The following GLDC variants were observed in gnomAD, a reference collection of about 807,000 sequenced individuals.
GLDC encodes glycine decarboxylase.
In GLDC, 104 loss-of-function variants were observed where a neutral mutation model predicts 121.3. The ratio of observed to expected loss-of-function variants is 0.86; its 90% CI spans 0.73 to 1.01. The LOEUF (loss-of-function observed/expected upper bound fraction) is 1.01, where lower values mean the gene tolerates loss of function less well. Among genes scored for constraint, GLDC ranks in the 50% least tolerant of loss-of-function variants. GLDC has a pLI of 0.00. For synonymous variants in GLDC, 546 were observed against 480.6 expected (o/e 1.14, Z -1.78); for missense variants, 1,429 against 1,306.6 (o/e 1.09, Z -1.44).
chr9:6,562,650 C>A (rs904115467), intron 16 of GLDC, among the ~76,000 whole-genome samples: 93 of 152,180 alleles, frequency 6.1e-4, no homozygotes, highest in African/African-American at 2.2e-3. Flanking sequence ...ACCTCTGCCT[C>A]CTGGATTCAA....
At chr9:6,551,823 A>G (rs1817521337) in intron 20 of GLDC, among the ~76,000 whole-genome samples, 1 of 152,142 alleles carries the variant, frequency 6.6e-6, no homozygotes, top group Non-Finnish European at 1.5e-5. Flanking sequence ...GGGCAAGGTG[A>G]GTTGTGACTC....
At chr9:6,591,716 C>T (rs1372427517) in intron 11 of GLDC, 1 of 214,204 alleles carries the variant, frequency 4.7e-6, no homozygotes, top group Non-Finnish European at 9.5e-6. Context: ...TCCTGAGTAA[C>T]TGGGATTACA....
chr9:6,590,734 C>T (rs1452061821), intron 11 of GLDC, among the ~76,000 whole-genome samples: 1 of 152,120 alleles, frequency 6.6e-6, no homozygotes, highest in African/African-American at 2.4e-5. Context: ...CCCTCTTGAC[C>T]CCTTAGTGAT....
At chr9:6,544,202 G>A (rs1017608337) in intron 21 of GLDC, among the ~76,000 whole-genome samples, 2 of 152,070 alleles carry the variant, frequency 1.3e-5, no homozygotes, top group African/African-American at 4.8e-5. Context: ...CAAACCTCCC[G>A]GCTGTTTCCC....
At chr9:6,568,684 C>T (rs1322323410) in intron 15 of GLDC, among the ~76,000 whole-genome samples, 1 of 151,600 alleles carries the variant, frequency 6.6e-6, no homozygotes, top group East Asian at 1.9e-4. Flanking sequence ...CCCATTTCTA[C>T]TAAACATACA....
At chr9:6,614,444 C>T (rs944455096) in intron 3 of GLDC, among the ~76,000 whole-genome samples, 3 of 151,950 alleles carry the variant, frequency 2.0e-5, no homozygotes, top group Non-Finnish European at 4.4e-5. Flanking sequence ...CCATGTTGGC[C>T]AGGCTGGTCT....
chr9:6,591,422 C>G (rs145691513), intron 11 of GLDC, among the ~76,000 whole-genome samples: 63 of 152,284 alleles, frequency 4.1e-4, no homozygotes, highest in African/African-American at 1.5e-3. Context: ...ACCAGGAGGA[C>G]AAGAAGCATG....
intron 2 of GLDC, among the ~76,000 whole-genome samples, chr9:6,636,439 G>C (rs1189692203): frequency 6.6e-6 from 1 of 152,140 alleles, no homozygotes; most frequent in African/African-American, 2.4e-5. Context: ...GGAAATCTTT[G>C]TAGCTTTCAC....
At chr9:6,631,321 C>G (rs778944180) in intron 2 of GLDC, among the ~76,000 whole-genome samples, 68 of 152,176 alleles carry the variant, frequency 4.5e-4, no homozygotes, top group Non-Finnish European at 2.1e-4. Context: ...CCCTTGTCTC[C>G]GTATGAGTGA....
At chr9:6,612,091 G>A (rs115346722) in intron 3 of GLDC, among the ~76,000 whole-genome samples, 2,446 of 151,886 alleles carry the variant, frequency 0.016, 71 homozygotes, top group African/African-American at 0.056. Context: ...ATTCATTCCA[G>A]TTCACCACCC....
chr9:6,633,127 C>T (rs73639338), intron 2 of GLDC, among the ~76,000 whole-genome samples: 173 of 152,230 alleles, frequency 1.1e-3, no homozygotes, highest in African/African-American at 3.8e-3. Flanking sequence ...CCTCCCACCT[C>T]GGAGGATCCT....
At chr9:6,639,737 T>C (rs1253846469) in intron 2 of GLDC, 1 of 173,428 alleles carries the variant, frequency 5.8e-6, no homozygotes, top group African/African-American at 2.5e-5. Flanking sequence ...AATAGACAAT[T>C]ACCAGACCAT....
chr9:6,605,225 C>G lies in GLDC; in HGVS notation c.767G>C (p.Gly256Ala), dbSNP rs1210528176. 6.2e-7 allele frequency: 1 copy of G among 1,613,568 alleles called. No individual in the cohort carries two copies. Among genetic ancestry groups the G allele is most frequent in the East Asian group, 2.2e-5 (1 of 44,878 alleles). The change falls in exon 6 of 25, where the codon GGA (glycine) becomes GCA (alanine). Residue 256 changes from glycine to alanine, a missense_variant. Coordinates refer to ENST00000321612, the MANE Select transcript of GLDC (RefSeq NM_000170.3). ...GAACAACACTCCACTGACATCTTTT[C>G]CACTGAAGTCCATTTCACAGGGTAA... ...LKLPCEMDFSGKDVSGVLFQY... is the reference protein window; with the variant it reads ...LKLPCEMDFSAKDVSGVLFQY...
chr9:6,549,331 G>T (rs1817460766), intron 21 of GLDC, among the ~76,000 whole-genome samples: 1 of 149,414 alleles, frequency 6.7e-6, no homozygotes, highest in Admixed American at 6.6e-5. Context: ...AATACCAAGT[G>T]GGAGAGCAGC....
chr9:6,611,078 G>T (rs1040599557), intron 3 of GLDC, among the ~76,000 whole-genome samples: 1 of 152,208 alleles, frequency 6.6e-6, no homozygotes, highest in African/African-American at 2.4e-5. Flanking sequence ...TACATGCTAA[G>T]AAATTAATAG....
chr9:6,536,497 T>C (rs1339962096), intron 22 of GLDC, among the ~76,000 whole-genome samples: 1 of 152,110 alleles, frequency 6.6e-6, no homozygotes, highest in Non-Finnish European at 1.5e-5. Context: ...CAAAAGTACA[T>C]AAATGTGTTA....
intron 15 of GLDC, among the ~76,000 whole-genome samples, chr9:6,586,873 A>C (rs1261234077): frequency 2.0e-5 from 3 of 152,174 alleles, no homozygotes; most frequent in African/African-American, 7.2e-5. Context: ...GGAACAAGGA[A>C]GCTCAAGGAA....
Position 6,602,127 on chromosome 9 carries a change from G to C in GLDC, c.1137C>G (p.Ser379Arg), listed in dbSNP as rs762926339. The C allele has an allele frequency of 6.2e-7, 1 of 1,608,956 alleles. No individual in the cohort carries two copies. Among genetic ancestry groups the C allele is most frequent in the Non-Finnish European group, 8.5e-7 (1 of 1,175,310 alleles). The stretch of plus-strand genomic sequence containing the variant: ...GATTTACCTGAGCTGTACAGATGTT[G>C]CTGGTAGCCTTGTCTCTCCGAATGT... ...EQHIRRDKATSNICTAQALLA... is the reference protein window; with the variant it reads ...EQHIRRDKATRNICTAQALLA... The change falls in exon 8 of 25, where the codon AGC becomes AGG. Residue 379 changes from serine to arginine, a missense_variant. Coordinates refer to ENST00000321612, the MANE Select transcript of GLDC (RefSeq NM_000170.3).
intron 2 of GLDC, among the ~76,000 whole-genome samples, chr9:6,633,593 C>T (rs1478609180): frequency 6.6e-6 from 1 of 152,056 alleles, no homozygotes; most frequent in Non-Finnish European, 1.5e-5. Flanking sequence ...GCCTCATCTC[C>T]TGCCTCTCTG....
Sources: gnomAD v4.1 joint callset for allele counts (sites outside exome capture counted in the v4.1 genomes callset) on GRCh38, gnomAD v4.1.1 for gene constraint, MANE v1.5 for transcripts, NCBI Gene and HGNC (gene_info 2026-07-23, HGNC 2026-07-21) for gene names.